Variants in RORA observed in about 807,000 individuals in gnomAD.
The protein encoded by RORA is RAR related orphan receptor A.
In RORA, 7 loss-of-function variants were observed where a neutral mutation model predicts 69.5. The observed-to-expected ratio is 0.10, with a 90% confidence interval of 0.06 to 0.19. The LOEUF (loss-of-function observed/expected upper bound fraction) is 0.19. RORA is among the 10% of genes least tolerant of loss of function. The pLI, the probability that RORA is intolerant of heterozygous loss-of-function variation, is 1.00. For missense variants in RORA, 457 were observed against 663.0 expected (o/e 0.69, Z 3.41); for synonymous variants, 261 against 240.8 (o/e 1.08, Z -0.78).
intron 9 of RORA, 72 bp downstream of exon 9, chr15:60,500,887 G>A (rs185887357): frequency 2.7e-5 from 22 of 819,856 alleles, no homozygotes; most frequent in Admixed American, 4.3e-5. Flanking sequence ...GCTATTAAAC[G>A]TATGGGCCTT....
intron 1 of RORA, among the ~76,000 whole-genome samples, chr15:61,118,466 G>C (rs1360371502): frequency 1.3e-5 from 2 of 152,168 alleles, no homozygotes; most frequent in Non-Finnish European, 2.9e-5. Flanking sequence ...ATTTGGAAGA[G>C]GGTTTTAAAA....
In RORA at chr15:60,763,031, T is replaced by A. The variant is rs1353582510; in HGVS notation, c.167-84345A>T. 2.8e-5 allele frequency among the ~76,000 whole-genome samples: 4 copies of A among 141,888 alleles called. No individual in the cohort carries two copies. In the East Asian group the frequency reaches 8.5e-4, roughly 30 times the overall value. The allele number at this position is 141,888 out of a possible 152,430, so 93.1% of individuals were successfully genotyped here. A position where few individuals can be genotyped will look rare whatever the true frequency, so the allele number is the denominator to read the frequency against. ...AAATAACAGGGAAAAAGGCATTTAA[T>A]TACAAATAAAAGTACTGTTTCCAAT... On this transcript the variant is annotated intron_variant, in intron 1 of 10. Transcript: ENST00000335670.
chr15:60,759,468 C>T (rs1567180781), intron 1 of RORA, among the ~76,000 whole-genome samples: 1 of 152,148 alleles, frequency 6.6e-6, no homozygotes, highest in Non-Finnish European at 1.5e-5. Context: ...CGGGGGGCAA[C>T]TTTGAGTCAG....
intron 3 of RORA, among the ~76,000 whole-genome samples, chr15:60,520,849 A>T (rs1347260617): frequency 1.3e-5 from 2 of 152,232 alleles, no homozygotes; most frequent in Non-Finnish European, 2.9e-5. Context: ...CTTTTTATGG[A>T]TGTTAAAATA....
At chr15:60,610,170 T>C (rs1180247398) in intron 2 of RORA, among the ~76,000 whole-genome samples, 1 of 148,528 alleles carries the variant, frequency 6.7e-6, no homozygotes, top group Non-Finnish European at 1.5e-5. Flanking sequence ...CTTTTGAACA[T>C]CTCAATCATT....
chr15:60,821,738 G>T (rs2072896091), intron 1 of RORA, among the ~76,000 whole-genome samples: 1 of 152,194 alleles, frequency 6.6e-6, no homozygotes. Context: ...ATTGCACTAG[G>T]TGCAAGATAC....
At chr15:60,828,558 G>T (rs1222985601) in intron 1 of RORA, among the ~76,000 whole-genome samples, 1 of 152,160 alleles carries the variant, frequency 6.6e-6, no homozygotes, top group Non-Finnish European at 1.5e-5. Flanking sequence ...CCCTCTGAAA[G>T]CCCCCACACA....
intron 1 of RORA, among the ~76,000 whole-genome samples, chr15:60,722,592 C>A (rs1204935491): frequency 2.0e-5 from 3 of 152,186 alleles, no homozygotes; most frequent in African/African-American, 7.2e-5. Flanking sequence ...AAGAGTCCCA[C>A]CTAAGGACAT....
intron 1 of RORA, among the ~76,000 whole-genome samples, chr15:61,048,846 T>A (rs1000906584): frequency 1.3e-5 from 2 of 152,126 alleles, no homozygotes; most frequent in African/African-American, 4.8e-5. Context: ...AGTCAAGACT[T>A]ACTTTTGGCC....
At chr15:60,582,550 G>A (rs1175868412) in intron 2 of RORA, among the ~76,000 whole-genome samples, 1 of 152,182 alleles carries the variant, frequency 6.6e-6, no homozygotes, top group Non-Finnish European at 1.5e-5. Flanking sequence ...CCTATGTAGG[G>A]GGGTTTCCAC....
intron 1 of RORA, among the ~76,000 whole-genome samples, chr15:60,985,418 C>T (rs1894169314): frequency 6.6e-6 from 1 of 151,906 alleles, no homozygotes; most frequent in African/African-American, 2.4e-5. Context: ...TTCGTTTCGC[C>T]CTGAGAGCAA....
At chr15:60,582,161 T>A (rs1316463931) in intron 2 of RORA, among the ~76,000 whole-genome samples, 1 of 152,222 alleles carries the variant, frequency 6.6e-6, no homozygotes, top group East Asian at 1.9e-4. Flanking sequence ...ATATTTATTA[T>A]TAATATTAAT....
At chr15:60,973,785 G>C (rs184133640) in intron 1 of RORA, among the ~76,000 whole-genome samples, 2 of 152,346 alleles carry the variant, frequency 1.3e-5, no homozygotes, top group Admixed American at 6.5e-5. Flanking sequence ...GCTCGATCAG[G>C]CTCCCTGCAA....
At chr15:61,210,546 A>G (rs529341349) in intron 1 of RORA, among the ~76,000 whole-genome samples, 7 of 152,356 alleles carry the variant, frequency 4.6e-5, no homozygotes, top group Admixed American at 1.3e-4. Flanking sequence ...TATATGCCTC[A>G]TTTTCTCAAA....
At position 60,490,748 on chromosome 15, in the gene RORA, A is replaced by G. The variant is rs1009732261; in HGVS notation, c.*6707T>C. ...CAGTTATGGCTAGATTATTTAACCT[A>G]TTTTTTTTGTACTTTGGAAACAAGA... On this transcript the variant is annotated 3_prime_UTR_variant, in exon 11 of 11. Coordinates refer to ENST00000335670, the MANE Select transcript of RORA (RefSeq NM_134261.3). This position sits in a 1 kb window ranked among gnomAD's most constrained non-coding sequence, Gnocchi z 4.1. 1.3e-5 allele frequency: 2 copies of G among 151,864 alleles called. No individual in the cohort carries two copies. The highest frequency in any genetic ancestry group is 4.8e-5 in the African/African-American group (2 of 41,368). The allele number at this position is 151,864 out of a possible 1,614,324, so 9.4% of individuals were successfully genotyped here.
At chr15:61,057,768 A>G (rs755058610) in intron 1 of RORA, among the ~76,000 whole-genome samples, 2 of 152,208 alleles carry the variant, frequency 1.3e-5, no homozygotes, top group Non-Finnish European at 2.9e-5. Context: ...CTTAACCCTG[A>G]GCACCCCACT....
chr15:60,775,946 T>C (rs150601962), intron 1 of RORA, among the ~76,000 whole-genome samples: 2 of 152,266 alleles, frequency 1.3e-5, no homozygotes, highest in Admixed American at 1.3e-4. Flanking sequence ...ACCCTTTGAC[T>C]CCATCTCCTC....
intron 4 of RORA, among the ~76,000 whole-genome samples, chr15:60,512,467 T>G (rs989628681): frequency 1.3e-5 from 2 of 152,136 alleles, no homozygotes; most frequent in Non-Finnish European, 2.9e-5. Flanking sequence ...TTTCACTTTA[T>G]GTAGAGATGG....
intron 1 of RORA, among the ~76,000 whole-genome samples, chr15:60,846,706 C>T (rs2140409392): frequency 6.6e-6 from 1 of 152,318 alleles, no homozygotes; most frequent in South Asian, 2.1e-4. Flanking sequence ...GCCAGCCCAC[C>T]AAATCCATCA....
Sources: allele counts gnomAD v4.1 joint callset (sites outside exome capture counted in the v4.1 genomes callset), GRCh38; gene constraint gnomAD v4.1.1; non-coding constraint Gnocchi (gnomAD v3.1); transcripts MANE v1.5; gene names NCBI Gene and HGNC (gene_info 2026-07-23, HGNC 2026-07-21).